DENND4C: variants seen among roughly 807,000 people sequenced by gnomAD.
The protein encoded by DENND4C is DENN domain containing 4C.
A neutral mutation model predicts 203.0 loss-of-function variants in DENND4C; 108 were observed. That is an observed-to-expected ratio of 0.53 (90% confidence interval 0.46 to 0.62). DENND4C has a LOEUF of 0.62. Ranked by LOEUF, DENND4C falls within the 20% of genes least tolerant of loss-of-function variation. The pLI is 0.00. For missense variants in DENND4C, 2,481 were observed against 2,301.2 expected (o/e 1.08, Z -1.60); for synonymous variants, 871 against 792.4 (o/e 1.10, Z -1.67).
At position 19,374,221 on chromosome 9, in the gene DENND4C, G is replaced by A. The variant is rs569685449; in HGVS notation, c.*2048G>A. ...TCCTTCACTCGTAACTTGAACTCAAGTTTTCACTTACTGACGCGCTTCCCA... is the reference window on the plus strand; with the variant it reads ...TCCTTCACTCGTAACTTGAACTCAAATTTTCACTTACTGACGCGCTTCCCA... On this transcript the variant is annotated 3_prime_UTR_variant, in exon 33 of 33. Coordinates refer to ENST00000434457, the MANE Select transcript of DENND4C (RefSeq NM_001330640.2). Among the ~76,000 whole-genome samples, 1 of 151,980 alleles carries A rather than the reference G, an allele frequency of 6.6e-6. No homozygotes were observed. Among genetic ancestry groups the A allele is most frequent in the South Asian group, 2.1e-4 (1 of 4,794 alleles).
intron 9 of DENND4C, among the ~76,000 whole-genome samples, chr9:19,304,889 A>G (rs1389409713): frequency 6.7e-6 from 1 of 150,098 alleles, no homozygotes; most frequent in Non-Finnish European, 1.5e-5. Flanking sequence ...ATCTGTTAGC[A>G]TTCCCTGGAA....
At chr9:19,238,947 C>G (rs984744769) in intron 1 of DENND4C, among the ~76,000 whole-genome samples, 2 of 151,748 alleles carry the variant, frequency 1.3e-5, no homozygotes, top group African/African-American at 4.8e-5. Context: ...GCCACCTTGC[C>G]TAGCCTATAA....
rs773352443 is a variant in DENND4C, at chr9:19,290,793, A to G, written c.718A>G (p.Thr240Ala). 1.2e-6 allele frequency: 2 copies of G among 1,612,316 alleles called. No individual in the cohort carries two copies. The highest frequency in any genetic ancestry group is 1.1e-5 in the South Asian group (1 of 90,786). The part of the protein sequence containing the change: ...VPLFCLPMGA[T>A]IECWDPETKY... ...TCTTTTCTGCCTTCCTATGGGAGCT[A>G]CTATTGAGTGCTGGGATCCTGAAAC... Residue 240 changes from threonine to alanine, a missense_variant, in exon 5 of 33, where the codon ACT (threonine) becomes GCT (alanine). By Grantham distance (58) the Thr-to-Ala change is moderately conservative. Around this residue, in one of 3 missense-constraint regions of DENND4C, gnomAD observed 2,289 missense variants for 2,113.3 expected, o/e 1.08. Coordinates refer to ENST00000434457, the MANE Select transcript of DENND4C (RefSeq NM_001330640.2).
In DENND4C at chr9:19,358,286, C is replaced by A; in HGVS notation, c.5160+126C>A. On this transcript the variant is annotated intron_variant, in intron 28 of 32. Transcript: ENST00000434457. The surrounding 1 kb of genome is among the most constrained non-coding windows in gnomAD (Gnocchi z 4.8). The stretch of plus-strand genomic sequence containing the variant: ...AAAAGTGATAGAGTTTTTCCATAAA[C>A]AAATAACTTTTTATTGTGGAGAATT... 2.6e-6 allele frequency: 2 copies of A among 760,670 alleles called. No homozygotes were observed. Among genetic ancestry groups the A allele is most frequent in the East Asian group, 2.9e-5 (1 of 34,958 alleles). 47.1% of individuals were successfully genotyped at this position (760,670 alleles called of 1,614,324 possible).
intron 16 of DENND4C, among the ~76,000 whole-genome samples, chr9:19,329,756 G>T (rs1043952851): frequency 2.0e-5 from 3 of 152,116 alleles, no homozygotes; most frequent in African/African-American, 4.8e-5. Flanking sequence ...TGAGTAAGAA[G>T]TTGTATTTTA....
chr9:19,351,002 A>T (rs900896059), intron 24 of DENND4C, 123 bp downstream of exon 24: 1 of 973,998 alleles, frequency 1.0e-6, no homozygotes, highest in Non-Finnish European at 1.5e-6. Context: ...GGCTCAAGCA[A>T]TCTGCCTGCC....
intron 1 of DENND4C, among the ~76,000 whole-genome samples, chr9:19,249,420 T>C (rs1205824163): frequency 6.6e-6 from 1 of 151,130 alleles, no homozygotes; most frequent in African/African-American, 2.4e-5. Context: ...GCCCGGCTAA[T>C]TTTTTTTGTA....
At chr9:19,262,076 CTTTTTTTTTTTTTTTTTT>C (rs60223074) in intron 1 of DENND4C, among the ~76,000 whole-genome samples, 7,676 of 56,094 alleles carry the variant, frequency 0.14, 529 homozygotes, top group African/African-American at 0.28. Context: ...TTTATTAGTT[CTTTTTTTTTTTTTTTTTT>C]TTTTTTTTTT....
chr9:19,235,194 A>G (rs561853675), intron 1 of DENND4C, among the ~76,000 whole-genome samples: 26 of 151,966 alleles, frequency 1.7e-4, no homozygotes, highest in African/African-American at 6.3e-4. Context: ...TGAACTCCTG[A>G]CCTCAGGTGA....
chr9:19,322,697 A>G (rs945020767), intron 12 of DENND4C, among the ~76,000 whole-genome samples: 1 of 144,888 alleles, frequency 6.9e-6, no homozygotes, highest in African/African-American at 2.6e-5. Flanking sequence ...GATTGACTGC[A>G]CTCCAGCCTG....
At chr9:19,311,180 G>C (rs1434551639) in intron 10 of DENND4C, among the ~76,000 whole-genome samples, 1 of 152,066 alleles carries the variant, frequency 6.6e-6, no homozygotes, top group Non-Finnish European at 1.5e-5. Flanking sequence ...ATGGAGTAGA[G>C]TGGCCCAATC....
intron 21 of DENND4C, 96 bp downstream of exon 21, chr9:19,341,210 C>A: frequency 9.5e-7 from 1 of 1,050,160 alleles, no homozygotes; most frequent in Non-Finnish European, 1.3e-6. Context: ...TGATTATTTT[C>A]ACAAATGTAA....
At chr9:19,325,085 T>A (rs1285431098) in intron 13 of DENND4C, among the ~76,000 whole-genome samples, 1 of 152,196 alleles carries the variant, frequency 6.6e-6, no homozygotes, top group African/African-American at 2.4e-5. Context: ...GAACATTTTC[T>A]TGAGCCTTGT....
intron 22 of DENND4C, among the ~76,000 whole-genome samples, chr9:19,344,778 C>G (rs1489601508): frequency 1.3e-5 from 2 of 152,002 alleles, no homozygotes; most frequent in Non-Finnish European, 2.9e-5. Flanking sequence ...GCTGGGATTA[C>G]AGGTGTGAGC....
intron 22 of DENND4C, among the ~76,000 whole-genome samples, chr9:19,345,181 A>G (rs1033187227): frequency 3.9e-5 from 6 of 152,242 alleles, no homozygotes; most frequent in Non-Finnish European, 5.9e-5. Flanking sequence ...TTGGAGTGAA[A>G]CAAATTGCAT....
At chr9:19,255,019 C>T (rs1205788242) in intron 1 of DENND4C, among the ~76,000 whole-genome samples, 1 of 151,974 alleles carries the variant, frequency 6.6e-6, no homozygotes. Context: ...GGGGGGCCGC[C>T]TGTAATTCCA....
chr9:19,332,258 T>G (rs779074361), intron 17 of DENND4C, 74 bp downstream of exon 17: 64 of 1,384,332 alleles, frequency 4.6e-5, no homozygotes, highest in Non-Finnish European at 6.4e-5. Context: ...TGGGTGTAAG[T>G]TGCTTTAAAG....
At chr9:19,347,790 T>C (rs1823232320) in intron 23 of DENND4C, among the ~76,000 whole-genome samples, 1 of 152,234 alleles carries the variant, frequency 6.6e-6, no homozygotes, top group Non-Finnish European at 1.5e-5. Flanking sequence ...GTTATATTTG[T>C]GTAGCATTCA....
At chr9:19,326,471 CTGCTCCCTT>C (rs1029909736) in intron 15 of DENND4C, among the ~76,000 whole-genome samples, 35 of 152,172 alleles carry the variant, frequency 2.3e-4, no homozygotes, top group Admixed American at 1.3e-3. Flanking sequence ...ATGAGGCTCC[CTGCTCCCTT>C]TGGGAGTTTC....
Sources: gnomAD v4.1 joint callset for allele counts (sites outside exome capture counted in the v4.1 genomes callset) on GRCh38, gnomAD v4.1.1 for gene constraint, gnomAD v4.1.1 regional missense constraint, Gnocchi (gnomAD v3.1) non-coding constraint, MANE v1.5 for transcripts, NCBI Gene and HGNC (gene_info 2026-07-23, HGNC 2026-07-21) for gene names.